Variants in SEPTIN11 observed in about 807,000 individuals in gnomAD.
SEPTIN11 encodes the protein septin-11.
A neutral mutation model predicts 51.4 loss-of-function variants in SEPTIN11; 25 were observed. That is an observed-to-expected ratio of 0.49 (90% CI 0.35 to 0.68). The LOEUF (loss-of-function observed/expected upper bound fraction) is 0.68, where lower values mean the gene tolerates loss of function less well. SEPTIN11 is among the 30% of genes least tolerant of loss of function. The probability of loss-of-function intolerance (pLI) is 0.00; values close to 1 mark genes in which losing one functional copy is unlikely to be tolerated. For synonymous variants in SEPTIN11, 174 were observed against 184.1 expected (o/e 0.95, Z 0.44); for missense variants, 381 against 520.8 (o/e 0.73, Z 2.61).
chr4:77,010,006 T>C (rs1222144936), intron 3 of SEPTIN11: 6 of 152,218 alleles, frequency 3.9e-5, no homozygotes, highest in Non-Finnish European at 7.3e-5. Context: ...CCTTTTTTTT[T>C]CCTTAGGTTT....
intron 1 of SEPTIN11, among the ~76,000 whole-genome samples, chr4:76,956,805 G>A (rs1721574060): frequency 6.6e-6 from 1 of 152,172 alleles, no homozygotes; most frequent in Non-Finnish European, 1.5e-5. Context: ...CCCCCTCTAG[G>A]GAGGGCAGTG....
At chr4:76,987,825 C>CTACTGAAA in intron 1 of SEPTIN11, 1 of 981,172 alleles carries the variant, frequency 1.0e-6, no homozygotes, top group South Asian at 4.7e-5. Context: ...GGCGTCTGTA[C>CTACTGAAA]TACTGAAATA....
chr4:76,995,710 C>A, intron 1 of SEPTIN11: 1 of 1,295,842 alleles, frequency 7.7e-7, no homozygotes, highest in Non-Finnish European at 1.0e-6. Flanking sequence ...ATAAATCACC[C>A]AGTGATTTTA....
rs928308111 is a variant in SEPTIN11 at position 77,006,255 on chromosome 4, C to T, written c.338+459C>T. Among the ~76,000 whole-genome samples, 45 of 152,204 alleles carry T rather than the reference C, an allele frequency of 3.0e-4. 1 individual carries two copies. The highest frequency in any genetic ancestry group is 1.1e-3 in the African/African-American group (45 of 41,524). On this transcript the variant is annotated intron_variant, in intron 3 of 9. Transcript: ENST00000264893. ...AAATCTGCCCCAGGTAATCAAATGC[C>T]TTCACCATGGCTTGCTATATAATGA...
intron 5 of SEPTIN11, 149 bp from the exon 6 acceptor site, chr4:77,019,016 G>A: frequency 1.6e-6 from 1 of 627,706 alleles, no homozygotes; most frequent in Non-Finnish European, 2.8e-6. Context: ...AGGGGGGTGG[G>A]ATACGTGACA....
intron 1 of SEPTIN11, among the ~76,000 whole-genome samples, chr4:76,991,919 T>C (rs535997613): frequency 3.2e-4 from 48 of 152,364 alleles, no homozygotes; most frequent in African/African-American, 1.1e-3. Flanking sequence ...TCTAAGAGGA[T>C]ATGTTCTAAA....
At chr4:76,964,606 C>T (rs1488135330) in intron 1 of SEPTIN11, among the ~76,000 whole-genome samples, 1 of 152,086 alleles carries the variant, frequency 6.6e-6, no homozygotes, top group Non-Finnish European at 1.5e-5. Context: ...TATGGTTTAA[C>T]AAAGATAGGT....
At chr4:76,983,999 T>C (rs577696260) in intron 1 of SEPTIN11, among the ~76,000 whole-genome samples, 19 of 152,012 alleles carry the variant, frequency 1.2e-4, no homozygotes, top group African/African-American at 4.6e-4. Context: ...AGAGCAAGAC[T>C]CCATTTCAGG....
intron 1 of SEPTIN11, among the ~76,000 whole-genome samples, chr4:76,996,137 G>A (rs1041084702): frequency 6.6e-6 from 1 of 152,134 alleles, no homozygotes; most frequent in African/African-American, 2.4e-5. Flanking sequence ...ATGCATATCT[G>A]AAATAGTCAC....
chr4:76,970,117 C>G (rs1054664157), intron 1 of SEPTIN11, among the ~76,000 whole-genome samples: 1 of 152,158 alleles, frequency 6.6e-6, no homozygotes, highest in Non-Finnish European at 1.5e-5. Flanking sequence ...TGTGTGTGTA[C>G]CCTTCGCTTA....
intron 5 of SEPTIN11, 23 bp from the exon 6 acceptor site, chr4:77,019,142 T>C: frequency 6.2e-7 from 1 of 1,603,888 alleles, no homozygotes; most frequent in Non-Finnish European, 8.5e-7. Flanking sequence ...AAAGTAACTA[T>C]TCTCTGTCCT....
rs1726898026 is a variant in SEPTIN11 at position 77,034,547 on chromosome 4, T to C, written c.*35T>C. On this transcript the variant is annotated 3_prime_UTR_variant, in exon 10 of 10. Coordinates refer to ENST00000264893, the MANE Select transcript of SEPTIN11 (RefSeq NM_018243.4). ...AGCCAAGGATGTTCCCGCATTCACCTGCTTTTGCAGTAATATCGTATCTCT... is the reference window on the plus strand; with the variant it reads ...AGCCAAGGATGTTCCCGCATTCACCCGCTTTTGCAGTAATATCGTATCTCT... The C allele has an allele frequency of 1.9e-6, 3 of 1,543,964 alleles. No homozygotes were observed. Among genetic ancestry groups the C allele is most frequent in the Non-Finnish European group, 1.7e-6 (2 of 1,150,412 alleles).
At chr4:76,953,239 A>G (rs1290769908) in intron 1 of SEPTIN11, among the ~76,000 whole-genome samples, 3 of 152,208 alleles carry the variant, frequency 2.0e-5, no homozygotes, top group African/African-American at 7.2e-5. Flanking sequence ...AACTTGTTCT[A>G]GGTGTTGGGG....
At chr4:76,964,421 C>A (rs905031098) in intron 1 of SEPTIN11, among the ~76,000 whole-genome samples, 1 of 151,892 alleles carries the variant, frequency 6.6e-6, no homozygotes, top group Non-Finnish European at 1.5e-5. Flanking sequence ...CTCACCTCTC[C>A]CCAAATTATT....
intron 1 of SEPTIN11, among the ~76,000 whole-genome samples, chr4:76,971,794 A>T (rs965409095): frequency 6.6e-6 from 1 of 152,204 alleles, no homozygotes. Flanking sequence ...AAATAAAAAA[A>T]CTTTGGAGCT....
intron 4 of SEPTIN11, among the ~76,000 whole-genome samples, chr4:77,012,240 T>C (rs1226538325): frequency 6.6e-6 from 1 of 152,156 alleles, no homozygotes; most frequent in African/African-American, 2.4e-5. Flanking sequence ...AAAAGGTGTT[T>C]AGAGGTTTGG....
intron 1 of SEPTIN11, among the ~76,000 whole-genome samples, chr4:76,961,489 T>G (rs1721823251): frequency 6.6e-6 from 1 of 152,130 alleles, no homozygotes; most frequent in Admixed American, 6.5e-5. Flanking sequence ...TGCAGTGGGG[T>G]TATGTCCTGA....
At chr4:76,976,202 T>G (rs1722492520) in intron 1 of SEPTIN11, among the ~76,000 whole-genome samples, 1 of 152,262 alleles carries the variant, frequency 6.6e-6, no homozygotes, top group African/African-American at 2.4e-5. Flanking sequence ...ATACTGTATT[T>G]TGTATTCAAC....
At chr4:76,985,837 T>C (rs111299702) in intron 1 of SEPTIN11, among the ~76,000 whole-genome samples, 6 of 152,274 alleles carry the variant, frequency 3.9e-5, no homozygotes, top group African/African-American at 1.4e-4. Flanking sequence ...ATGACTTCTG[T>C]TGAAACAACA....
Sources: gnomAD v4.1 joint callset for allele counts (sites outside exome capture counted in the v4.1 genomes callset) on GRCh38, gnomAD v4.1.1 for gene constraint, MANE v1.5 for transcripts, NCBI Gene and HGNC (gene_info 2026-07-23, HGNC 2026-07-21) for gene names.